CNKSR2: variants seen among roughly 807,000 people sequenced by gnomAD.
CNKSR2 encodes the protein connector enhancer of kinase suppressor of Ras 2, also known as CNK homolog protein 2.
In CNKSR2, 14 loss-of-function variants were observed where a neutral mutation model predicts 84.4. The ratio of observed to expected loss-of-function variants is 0.17; its 90% CI spans 0.11 to 0.26. The LOEUF is 0.26. Ranked by LOEUF, CNKSR2 falls within the 10% of genes least tolerant of loss-of-function variation. The pLI, the probability that CNKSR2 is intolerant of heterozygous loss-of-function variation, is 1.00. For missense variants in CNKSR2, 485 were observed against 771.2 expected (o/e 0.63, Z 4.40); for synonymous variants, 275 against 277.9 (o/e 0.99, Z 0.10).
chrX:21,492,617 C>T (rs2091453591), intron 6 of CNKSR2: 1 of 110,938 alleles, frequency 9.0e-6, no homozygotes, highest in Admixed American at 9.6e-5. Context: ...AGGAGGATGA[C>T]TTTAAAACTG....
chrX:21,645,017 GTATTTTTCATT>G (rs1344163404), intron 20 of CNKSR2: 1 of 111,747 alleles, frequency 8.9e-6, no homozygotes, highest in Non-Finnish European at 1.9e-5. Flanking sequence ...CAACAAACTG[GTATTTTTCATT>G]AGCTATTCTT....
intron 11 of CNKSR2, among the ~76,000 whole-genome samples, chrX:21,544,947 C>T (rs1292501542): frequency 9.0e-6 from 1 of 111,422 alleles, no homozygotes; most frequent in Non-Finnish European, 1.9e-5. Flanking sequence ...GGGTTTCAAG[C>T]ACAAAACTGG....
At chrX:21,635,378 ATG>A (rs74314224) in intron 20 of CNKSR2, among the ~76,000 whole-genome samples, 27,979 of 94,431 alleles carry the variant, frequency 0.3, 5,156 homozygotes, top group African/African-American at 0.63. Flanking sequence ...TCTAAAATAA[ATG>A]TGTGTGTGTG....
chrX:21,403,680 A>T (rs185665361), intron 1 of CNKSR2, among the ~76,000 whole-genome samples: 41 of 112,017 alleles, frequency 3.7e-4, no homozygotes, highest in African/African-American at 1.2e-3. Context: ...AGCAGAAAGG[A>T]TGCTCATTAT....
At chrX:21,454,939 C>G (rs1418478415) in intron 4 of CNKSR2, among the ~76,000 whole-genome samples, 2 of 111,554 alleles carry the variant, frequency 1.8e-5, no homozygotes, top group Non-Finnish European at 1.9e-5. Flanking sequence ...AGGACTAGAA[C>G]TCAAGTCCAC....
chrX:21,536,364 C>CATAGAATGAGTT, intron 11 of CNKSR2, among the ~76,000 whole-genome samples: 1 of 111,095 alleles, frequency 9.0e-6, no homozygotes, highest in Admixed American at 9.6e-5. Context: ...TAGGCTACTG[C>CATAGAATGAGTT]TGGCCTCATA....
rs188885898 is a variant in CNKSR2, at chrX:21,477,481, T to G, written c.561+6674T>G. Among the ~76,000 whole-genome samples the G allele has an allele frequency of 9.1e-3, 1,009 of 111,419 alleles. 4 individuals carry two copies. Among genetic ancestry groups the G allele is most frequent in the Non-Finnish European group, 0.013 (691 of 53,040 alleles). ...CATGAATTAGGCTTATTTTGGCATG[T>G]TAAGTATTTGTTTTATTTCATAAAC... On this transcript the variant is annotated intron_variant, in intron 5 of 21. Coordinates refer to ENST00000379510, the MANE Select transcript of CNKSR2 (RefSeq NM_014927.5).
chrX:21,438,078 TGTA>T (rs1282178125), intron 3 of CNKSR2, among the ~76,000 whole-genome samples: 1 of 111,973 alleles, frequency 8.9e-6, no homozygotes, highest in Non-Finnish European at 1.9e-5. Flanking sequence ...TACACTGTGG[TGTA>T]GTCATGCATT....
intron 8 of CNKSR2, chrX:21,504,678 A>G: frequency 3.5e-6 from 1 of 289,421 alleles, no homozygotes; most frequent in Non-Finnish European, 6.1e-6. Flanking sequence ...CAAGATGTCT[A>G]ATTAGATGCC....
At chrX:21,462,957 C>T (rs1409063549) in intron 4 of CNKSR2, among the ~76,000 whole-genome samples, 1 of 110,504 alleles carries the variant, frequency 9.0e-6, no homozygotes. Flanking sequence ...CCGCCCGCCT[C>T]GGCCTCCCAA....
At chrX:21,567,993 A>G (rs2092254471) in intron 13 of CNKSR2, among the ~76,000 whole-genome samples, 1 of 112,247 alleles carries the variant, frequency 8.9e-6, no homozygotes, top group African/African-American at 3.2e-5. Flanking sequence ...TTCATATACA[A>G]AATAATTACT....
chrX:21,643,544 A>G (rs1485105314), intron 20 of CNKSR2: 1 of 111,923 alleles, frequency 8.9e-6, no homozygotes, highest in East Asian at 2.8e-4. Context: ...TATCATTATT[A>G]CAAGGATGGG....
chrX:21,612,345 C>T (rs1385741599), intron 20 of CNKSR2, among the ~76,000 whole-genome samples: 1 of 112,202 alleles, frequency 8.9e-6, no homozygotes, highest in African/African-American at 3.2e-5. Flanking sequence ...AGAGCGCTTA[C>T]TGTGCTGCCA....
rs138660834 is a variant in CNKSR2, at chrX:21,548,133, A to G, written c.1304-13338A>G. On this transcript the variant is annotated intron_variant, in intron 11 of 21. Coordinates refer to ENST00000379510, the MANE Select transcript of CNKSR2 (RefSeq NM_014927.5). ...ACCCTTCAAAGAATCAGTGAATCCA[A>G]GAGGTGGTTTTTTGAAAAGATTAAC... Among the ~76,000 whole-genome samples the G allele has an allele frequency of 9.5e-3, 1,060 of 111,909 alleles. 13 individuals carry two copies. Among genetic ancestry groups the G allele is most frequent in the African/African-American group, 0.031 (961 of 30,760 alleles).
rs751136115 is a variant in CNKSR2 at position 21,497,985 on chromosome X, GAGTT to G, written c.741+143_741+146del. On this transcript the variant is annotated intron_variant, in intron 7 of 21. Transcript: ENST00000379510. ...GTAGATACAATTTAAAAGAGATACT[GAGTT>G]AGTAGCATTCATTCTGTTCAAATTT... 7.2e-4 allele frequency: 264 copies of G among 365,735 alleles called. 2 individuals carry two copies. The highest frequency in any genetic ancestry group is 1.9e-3 in the South Asian group (25 of 13,482). The allele number at this position is 365,735 out of a possible 1,213,427, so 30.1% of individuals were successfully genotyped here.
chrX:21,375,817 C>T (rs1433320806), intron 1 of CNKSR2, among the ~76,000 whole-genome samples: 1 of 111,659 alleles, frequency 9.0e-6, no homozygotes, highest in Non-Finnish European at 1.9e-5. Context: ...ACTCACCCTC[C>T]TAATCGCAAA....
At chrX:21,448,523 C>T (rs1423895033) in intron 4 of CNKSR2, among the ~76,000 whole-genome samples, 1 of 111,374 alleles carries the variant, frequency 9.0e-6, no homozygotes, top group Non-Finnish European at 1.9e-5. Context: ...ACATGAATTA[C>T]ATGACATAGA....
At chrX:21,544,456 G>A (rs768542585) in intron 11 of CNKSR2, among the ~76,000 whole-genome samples, 1 of 111,478 alleles carries the variant, frequency 9.0e-6, no homozygotes, top group South Asian at 3.7e-4. Flanking sequence ...TGGAAGAATA[G>A]TATATTATAT....
intron 4 of CNKSR2, among the ~76,000 whole-genome samples, chrX:21,449,408 A>G (rs756523504): frequency 2.7e-5 from 3 of 110,158 alleles, no homozygotes; most frequent in South Asian, 7.9e-4. Flanking sequence ...GAGGCTTGAC[A>G]TAGCACCGCT....
Sources: allele counts gnomAD v4.1 joint callset (sites outside exome capture counted in the v4.1 genomes callset), GRCh38; gene constraint gnomAD v4.1.1; transcripts MANE v1.5; gene names NCBI Gene and HGNC (gene_info 2026-07-23, HGNC 2026-07-21).